STAG1: variants seen among roughly 807,000 people sequenced by gnomAD.
STAG1 encodes the protein STAG1 cohesin complex component.
STAG1 carries 26 observed loss-of-function variants against 170.9 expected under a neutral mutation model. The observed-to-expected ratio is 0.15, with a 90% CI of 0.11 to 0.21. The LOEUF is 0.21. Ranked by LOEUF, STAG1 falls within the 10% of genes least tolerant of loss-of-function variation. The pLI, the probability that STAG1 is intolerant of heterozygous loss-of-function variation, is 1.00. For synonymous variants in STAG1, 514 were observed against 497.7 expected (o/e 1.03, Z -0.44); for missense variants, 964 against 1,509.5 (o/e 0.64, Z 5.99).
chr3:136,362,907 CAT>C (rs113902601), intron 26 of STAG1, among the ~76,000 whole-genome samples: 1 of 151,684 alleles, frequency 6.6e-6, no homozygotes, highest in Non-Finnish European at 1.5e-5. Context: ...TAAATACAAA[CAT>C]ATATATATTA....
At chr3:136,472,005 T>C (rs1489740121) in intron 12 of STAG1, among the ~76,000 whole-genome samples, 1 of 152,110 alleles carries the variant, frequency 6.6e-6, no homozygotes, top group African/African-American at 2.4e-5. Flanking sequence ...GCCAGTTAAT[T>C]TTTTTAATCA....
chr3:136,597,561 C>T (rs550929295), intron 4 of STAG1, among the ~76,000 whole-genome samples: 1 of 152,206 alleles, frequency 6.6e-6, no homozygotes. Flanking sequence ...TTTTGTACTT[C>T]ATTGATTTTA....
At chr3:136,509,668 A>G (rs1309102169) in intron 7 of STAG1, among the ~76,000 whole-genome samples, 2 of 152,226 alleles carry the variant, frequency 1.3e-5, no homozygotes. Context: ...TCACAATTAA[A>G]AAAACAGTTG....
chr3:136,526,078 T>G (rs1259124601), intron 6 of STAG1, among the ~76,000 whole-genome samples: 2 of 152,188 alleles, frequency 1.3e-5, no homozygotes, highest in Admixed American at 6.5e-5. Context: ...TTCTGTTAAT[T>G]TGGGGTGGAG....
At chr3:136,440,273 G>C (rs979476990) in intron 15 of STAG1, among the ~76,000 whole-genome samples, 2 of 152,080 alleles carry the variant, frequency 1.3e-5, no homozygotes, top group Admixed American at 6.6e-5. Context: ...GAGTAGCTGG[G>C]ACTACAGGCG....
Position 136,473,569 on chromosome 3 carries a change from G to C in STAG1, c.1095C>G (p.Pro365=). ...ATCGGTTAGTGAATAGTTCCAATTT[G>C]GGGAATAATTCTCTATTGGTATATA... is the stretch of plus-strand genomic sequence containing the variant. ...QSLYTNRELF[P]KLELFTNRFK... Residue 365 remains proline, a synonymous_variant, in exon 11 of 34, where the codon CCC becomes CCG. Coordinates refer to ENST00000383202, the MANE Select transcript of STAG1 (RefSeq NM_005862.3). 10 of 1,611,346 alleles carry C rather than the reference G, an allele frequency of 6.2e-6. No individual in the cohort carries two copies. Among genetic ancestry groups the C allele is most frequent in the Non-Finnish European group, 7.6e-6 (9 of 1,178,462 alleles).
intron 5 of STAG1, among the ~76,000 whole-genome samples, chr3:136,559,521 G>C (rs1936755637): frequency 6.6e-6 from 1 of 152,154 alleles, no homozygotes; most frequent in Non-Finnish European, 1.5e-5. Flanking sequence ...CCCACTGATA[G>C]GCAAAGGAAT....
At chr3:136,523,483 T>C (rs1332615644) in intron 6 of STAG1, among the ~76,000 whole-genome samples, 1 of 152,200 alleles carries the variant, frequency 6.6e-6, no homozygotes, top group Non-Finnish European at 1.5e-5. Context: ...GTCAGATGAG[T>C]AGATTGCAAA....
intron 9 of STAG1, among the ~76,000 whole-genome samples, chr3:136,498,075 C>T (rs1002863816): frequency 6.7e-6 from 1 of 149,062 alleles, no homozygotes; most frequent in African/African-American, 2.5e-5. Flanking sequence ...GCCTGTAATC[C>T]CAGCTACTTG....
chr3:136,430,308 CCT>C (rs1463659145), intron 16 of STAG1: 2 of 152,050 alleles, frequency 1.3e-5, no homozygotes, highest in Non-Finnish European at 2.9e-5. Context: ...CACTATAATT[CCT>C]CTGTTTTTAT....
At chr3:136,547,309 T>A (rs1363835931) in intron 5 of STAG1, among the ~76,000 whole-genome samples, 1 of 152,200 alleles carries the variant, frequency 6.6e-6, no homozygotes, top group Non-Finnish European at 1.5e-5. Context: ...GCCCATACTT[T>A]ATGCAGACTT....
At chr3:136,582,600 A>G (rs1576631545) in intron 4 of STAG1, among the ~76,000 whole-genome samples, 1 of 152,174 alleles carries the variant, frequency 6.6e-6, no homozygotes, top group South Asian at 2.1e-4. Flanking sequence ...GGAGTTCGAG[A>G]CCAGCCTGGC....
At chr3:136,747,397 C>T (rs113936307) in intron 1 of STAG1, among the ~76,000 whole-genome samples, 7 of 152,200 alleles carry the variant, frequency 4.6e-5, no homozygotes, top group African/African-American at 1.4e-4. Flanking sequence ...CATTTAAATT[C>T]CTTAACTTCG....
chr3:136,724,874 A>C (rs1344415853), intron 1 of STAG1, among the ~76,000 whole-genome samples: 4 of 152,202 alleles, frequency 2.6e-5, no homozygotes, highest in Admixed American at 2.0e-4. Flanking sequence ...AATACCAGAG[A>C]GCTCTATAAG....
chr3:136,712,329 T>A (rs1408743558), intron 1 of STAG1, among the ~76,000 whole-genome samples: 1 of 152,124 alleles, frequency 6.6e-6, no homozygotes, highest in East Asian at 1.9e-4. Context: ...AGAGAACTTT[T>A]CTGCACCAAA....
intron 29 of STAG1, 126 bp from the exon 30 acceptor site, chr3:136,344,132 CACTT>C (rs1936118236): frequency 8.3e-6 from 5 of 600,166 alleles, no homozygotes; most frequent in South Asian, 4.2e-5. Context: ...TCAGTTCCAC[CACTT>C]ACTTACATGA....
rs1049557379 is a variant in STAG1, at chr3:136,503,542, G to C, written c.677-763C>G. ...AGATAGTGAGAATATGGGAAATACA[G>C]GTAAAGGAACAAGACAGTTTGAGCT... On this transcript the variant is annotated intron_variant, in intron 7 of 33. Coordinates refer to ENST00000383202, the MANE Select transcript of STAG1 (RefSeq NM_005862.3). Among the ~76,000 whole-genome samples the C allele has an allele frequency of 2.0e-5, 3 of 152,172 alleles. No homozygotes were observed. The East Asian group carries it at 5.8e-4, about 29-fold the overall frequency.
intron 1 of STAG1, among the ~76,000 whole-genome samples, chr3:136,650,865 G>A (rs1941194416): frequency 6.6e-6 from 1 of 151,372 alleles, no homozygotes; most frequent in South Asian, 2.1e-4. Context: ...GCCTAAAAAA[G>A]TGTCATTAAG....
chr3:136,403,224 T>TAAAAAAAAA (rs55678408), intron 21 of STAG1, among the ~76,000 whole-genome samples: 356 of 33,552 alleles, frequency 0.011, no homozygotes, highest in Middle Eastern at 0.029. Context: ...GAGACTGTCT[T>TAAAAAAAAA]AAAAAAAAAA....
Sources: allele counts gnomAD v4.1 joint callset (sites outside exome capture counted in the v4.1 genomes callset), GRCh38; gene constraint gnomAD v4.1.1; transcripts MANE v1.5; gene names NCBI Gene and HGNC (gene_info 2026-07-23, HGNC 2026-07-21).